IGSF1: variants seen among roughly 807,000 people sequenced by gnomAD.
The protein encoded by IGSF1 is immunoglobulin-like domain-containing protein 1.
A neutral mutation model predicts 95.3 loss-of-function variants in IGSF1; 40 were observed. The ratio of observed to expected loss-of-function variants is 0.42; its 90% CI spans 0.33 to 0.55. The LOEUF is 0.55. Ranked by LOEUF, IGSF1 falls within the 20% of genes least tolerant of loss-of-function variation. The probability of loss-of-function intolerance (pLI) is 0.10; values close to 1 mark genes in which losing one functional copy is unlikely to be tolerated. For synonymous variants in IGSF1, 372 were observed against 382.9 expected (o/e 0.97, Z 0.33); for missense variants, 906 against 1,025.4 (o/e 0.88, Z 1.59).
At chrX:131,279,231 C>T (rs376067122) in intron 10 of IGSF1, 40 bp downstream of exon 10, 28 of 1,207,321 alleles carry the variant, frequency 2.3e-5, no homozygotes, top group South Asian at 1.8e-4. Flanking sequence ...GACTTCACCC[C>T]GGCCTTCTGC....
chrX:131,280,814 G>T (rs1233140239), intron 9 of IGSF1, among the ~76,000 whole-genome samples: 1 of 111,796 alleles, frequency 8.9e-6, no homozygotes, highest in Non-Finnish European at 1.9e-5. Context: ...AGGGATAAGG[G>T]TGAAAAGTTG....
At chrX:131,279,479 T>C in intron 9 of IGSF1, 138 bp from the exon 10 acceptor site, 1 of 503,589 alleles carries the variant, frequency 2.0e-6, no homozygotes, top group Non-Finnish European at 3.5e-6. Flanking sequence ...GGATATAATC[T>C]TATTTGACAT....
Position 131,285,193 on chromosome X carries a change from T to G in IGSF1, c.653A>C (p.Lys218Thr), listed in dbSNP as rs1296683553. The G allele has an allele frequency of 9.2e-6, 11 of 1,192,442 alleles. No individual in the cohort carries two copies. The highest frequency in any genetic ancestry group is 1.2e-5 in the Non-Finnish European group (11 of 884,792). The change falls in exon 5 of 20, where the codon AAG becomes ACG. Residue 218 changes from lysine to threonine, a missense_variant. Lys to Thr is a moderately conservative substitution (Grantham distance 78, BLOSUM62 -1). Transcript: ENST00000361420. ...GCCACACCCACCTGCTACAACCAGCTTCAGGGGGTTGCTGGGCTCTGACCA... is the reference window on the plus strand; with the variant it reads ...GCCACACCCACCTGCTACAACCAGCGTCAGGGGGTTGCTGGGCTCTGACCA... ...TLWSEPSNPL[K>T]LVVAGLYPKP...
In IGSF1 at chrX:131,281,301, G is replaced by A. The variant is rs868160046; in HGVS notation, c.1563C>T (p.Ile521=). Residue 521 remains isoleucine, a synonymous_variant, in exon 9 of 20, where the codon ATC becomes ATT. Transcript: ENST00000361420. The part of the protein sequence containing the change: ...LTWNYVLNEA[I]RLSLIMQLVA... The stretch of plus-strand genomic sequence containing the variant: ...CAAGCTGCATGATTAGAGACAACCT[G>A]ATAGCTTCATTCAGAACGTAATTCC... 8.3e-7 allele frequency: 1 copy of A among 1,208,981 alleles called. No homozygotes were observed. Among genetic ancestry groups the A allele is most frequent in the African/African-American group, 1.7e-5 (1 of 57,160 alleles).
chrX:131,280,977 G>A (rs1386786829), intron 9 of IGSF1: 1 of 321,923 alleles, frequency 3.1e-6, no homozygotes, highest in African/African-American at 2.7e-5. Flanking sequence ...GGGGATGTCA[G>A]TGAATGCAGT....
In IGSF1 at chrX:131,276,999, G is replaced by A; in HGVS notation, c.2548C>T (p.Arg850Ter). The A allele has an allele frequency of 1.7e-6, 2 of 1,210,670 alleles. No individual in the cohort carries two copies. Among genetic ancestry groups the A allele is most frequent in the Non-Finnish European group, 2.2e-6 (2 of 894,905 alleles). Residue 850 changes from arginine (R) to a stop codon, truncating the protein, a stop_gained, in exon 14 of 20, where the codon CGA becomes TGA. Coordinates refer to ENST00000361420, the MANE Select transcript of IGSF1 (RefSeq NM_001555.5). LOFTEE classifies it high-confidence loss of function. ...GACCAGATAGAAAAGTCATAATATCGGCAGCTGTAATTCCCTCCATCACCA... is the reference window on the plus strand; with the variant it reads ...GACCAGATAGAAAAGTCATAATATCAGCAGCTGTAATTCCCTCCATCACCA... ...GIGDGGNYSC[R>*]YYDFSIWSEP...
Position 131,281,960 on chromosome X carries a change from A to G in IGSF1, c.1247-16T>C, listed in dbSNP as rs768966120. ...GGGGGCTTATCTGAAACCAATCCAG[A>G]GACCAGAGTGAGAAGTGACCTCAAA... is the stretch of plus-strand genomic sequence containing the variant. On this transcript the variant is annotated splice_polypyrimidine_tract_variant and intron_variant, in intron 7 of 19. Transcript: ENST00000361420. 1 of 1,190,654 alleles carries G rather than the reference A, an allele frequency of 8.4e-7. No individual in the cohort carries two copies. The highest frequency in any genetic ancestry group is 1.8e-5 in the South Asian group (1 of 54,516).
In IGSF1 at chrX:131,281,939, G is replaced by T. The variant is rs770459163; in HGVS notation, c.1252C>A (p.Pro418Thr). 33 of 1,198,922 alleles carry T rather than the reference G, an allele frequency of 2.8e-5. 1 individual carries two copies. The South Asian group carries it at 5.8e-4, about 21-fold the overall frequency. The change falls in exon 8 of 20, where the codon CCC (proline) becomes ACC (threonine). Residue 418 changes from proline (P) to threonine (T), a missense_variant. Physicochemically the swap from Pro to Thr is conservative, Grantham distance 38. This residue lies in a region of IGSF1 where 442 missense variants were observed against 448.1 expected (regional missense o/e 0.99). Coordinates refer to ENST00000361420, the MANE Select transcript of IGSF1 (RefSeq NM_001555.5). ...NTVELMVVDK[P>T]PKPSLSAWPS... ...CAAGCTGACAGGGAGGGTTTGGGGG[G>T]CTTATCTGAAACCAATCCAGAGACC...
intron 9 of IGSF1, among the ~76,000 whole-genome samples, chrX:131,280,777 C>T (rs990734151): frequency 8.9e-6 from 1 of 111,917 alleles, no homozygotes; most frequent in Non-Finnish European, 1.9e-5. Context: ...TAGGATGCGT[C>T]ACAAGGCTTA....
Position 131,273,839 on chromosome X carries a change from G to A in IGSF1, c.3968C>T (p.Ser1323Leu). 3 of 1,209,683 alleles carry A rather than the reference G, an allele frequency of 2.5e-6. No homozygotes were observed. The highest frequency in any genetic ancestry group is 3.4e-6 in the Non-Finnish European group (3 of 893,651). ...EPGTPANSPS[S>L]TSQRISVELP... is the part of the protein sequence containing the mutation. ...TTCCACAGAGATTCTCTGAGAGGTT[G>A]ATGAAGGAGAATTGGCAGGGGTGCC... is the stretch of plus-strand genomic sequence containing the variant. Residue 1323 changes from serine (S) to leucine (L), a missense_variant, in exon 20 of 20, where the codon TCA becomes TTA. By Grantham distance (145) the Ser-to-Leu change is moderately radical. Around this residue, in one of 5 missense-constraint regions of IGSF1, gnomAD observed 411 missense variants for 494.9 expected, o/e 0.83. Transcript: ENST00000361420.
Position 131,285,620 on chromosome X carries a change from C to A in IGSF1, c.379+147G>T, listed in dbSNP as rs768821376. The A allele has an allele frequency of 7.4e-6, 6 of 805,995 alleles. No homozygotes were observed. The South Asian group carries it at 7.8e-5, about 11-fold the overall frequency. The allele number at this position is 805,995 out of a possible 1,213,427, so 66.4% of individuals were successfully genotyped here. On this transcript the variant is annotated intron_variant, in intron 4 of 19. Transcript: ENST00000361420. ...TCTCTGCTCCAGAGTCTGCATCCCC[C>A]CTCTGCATTGCCCAATACAAAGTAG...
chrX:131,285,869 T>C lies in IGSF1; in HGVS notation c.277A>G (p.Ile93Val). 1.7e-6 allele frequency: 2 copies of C among 1,211,239 alleles called. No individual in the cohort carries two copies. Among genetic ancestry groups the C allele is most frequent in the African/African-American group, 3.5e-5 (2 of 57,729 alleles). ...GCATTGGACTCAGTAAGGGCACCTA[T>C]AAGGAATGAAACTTGGAAGGTCTTG... is the stretch of plus-strand genomic sequence containing the variant. ...SHKTFQVSFL[I>V]GALTESNAGL... is the part of the protein sequence containing the mutation. The change falls in exon 4 of 20, where the codon ATA (isoleucine) becomes GTA (valine). Residue 93 changes from isoleucine to valine, a missense_variant. Around this residue, in one of 5 missense-constraint regions of IGSF1, gnomAD observed 442 missense variants for 448.1 expected, o/e 0.99. Transcript: ENST00000361420.
rs2080563986 is a variant in IGSF1, at chrX:131,281,791, C to G, written c.1400G>C (p.Gly467Ala). 8.3e-7 allele frequency: 1 copy of G among 1,209,656 alleles called. No homozygotes were observed. The highest frequency in any genetic ancestry group is 3.0e-5 in the East Asian group (1 of 33,757). Residue 467 changes from glycine to alanine, a missense_variant, in exon 8 of 20, where the codon GGA becomes GCA. Around this residue, in one of 5 missense-constraint regions of IGSF1, gnomAD observed 442 missense variants for 448.1 expected, o/e 0.99. Transcript: ENST00000361420. ...GTCAACATTACTGATGATGAAGTCTCCGTTTACTGAGAATTTTTGGAATGT... is the reference window on the plus strand; with the variant it reads ...GTCAACATTACTGATGATGAAGTCTGCGTTTACTGAGAATTTTTGGAATGT... The part of the protein sequence containing the change: ...RETFQKFSVN[G>A]DFIISNVDGK...
intron 5 of IGSF1, chrX:131,284,719 G>GTTT: frequency 1.4e-6 from 1 of 731,687 alleles, no homozygotes; most frequent in Non-Finnish European, 1.6e-6. Context: ...TTTGTCATTT[G>GTTT]TTTTTTTTTG....
chrX:131,282,293 A>G (rs981244367), intron 7 of IGSF1, 151 bp downstream of exon 7: 2 of 467,438 alleles, frequency 4.3e-6, no homozygotes, highest in African/African-American at 5.3e-5. Flanking sequence ...AGAAAGTTCT[A>G]CACCACCTTC....
Position 131,281,867 on chromosome X carries a change from G to A in IGSF1, c.1324C>T (p.Arg442Ter), listed in dbSNP as rs1293658262. 4 of 1,208,588 alleles carry A rather than the reference G, an allele frequency of 3.3e-6. No individual in the cohort carries two copies. The highest frequency in any genetic ancestry group is 3.4e-6 in the Non-Finnish European group (3 of 893,001). ...AATTCCAGTACTGGATGAGATACTC[G>A]GCACTGAAGGGTGATGGCCTTTCCT... ...KLGKAITLQCRVSHPVLEFSL... is the reference protein window; with the variant it reads ...KLGKAITLQC The change falls in exon 8 of 20, where the codon CGA becomes TGA. Residue 442 changes from arginine (R) to a stop codon, truncating the protein, a stop_gained. Coordinates refer to ENST00000361420, the MANE Select transcript of IGSF1 (RefSeq NM_001555.5). LOFTEE classifies it high-confidence loss of function.
At chrX:131,278,315 C>T (rs1356939079) in intron 12 of IGSF1, 146 bp downstream of exon 12, 15 of 665,990 alleles carry the variant, frequency 2.3e-5, no homozygotes, top group Non-Finnish European at 3.2e-5. Flanking sequence ...AACCCCCTAC[C>T]ATTTCAGTGC....
Position 131,282,452 on chromosome X carries a change from A to G in IGSF1, c.1238T>C (p.Met413Thr), listed in dbSNP as rs1207343480. 8.3e-7 allele frequency: 1 copy of G among 1,204,349 alleles called. No individual in the cohort carries two copies. Among genetic ancestry groups the G allele is most frequent in the Admixed American group, 2.2e-5 (1 of 45,950 alleles). The change falls in exon 7 of 20, where the codon ATG (methionine) becomes ACG (threonine). Residue 413 changes from methionine to threonine, a missense_variant. By Grantham distance (81) the Met-to-Thr change is moderately conservative (BLOSUM62 -1). This residue lies in a region of IGSF1 where 442 missense variants were observed against 448.1 expected (regional missense o/e 0.99). Transcript: ENST00000361420. ...RMPSHNTVEL[M>T]VVDKPPKPSL... The stretch of plus-strand genomic sequence containing the variant: ...CAGTTGTTAACACTTGCCTACAACC[A>G]TAAGCTCCACAGTGTTGTGTGATGG...
chrX:131,274,655 G>A lies in IGSF1; in HGVS notation c.3695C>T (p.Ala1232Val). The change falls in exon 18 of 20, where the codon GCC (alanine) becomes GTC (valine). Residue 1232 changes from alanine to valine, a missense_variant. Coordinates refer to ENST00000361420, the MANE Select transcript of IGSF1 (RefSeq NM_001555.5). Reference protein sequence around the residue: ...GNYSCSYRLQAYPDIWSEPSD... With the variant: ...GNYSCSYRLQVYPDIWSEPSD... ...AGGCTCTGACCAGATATCAGGGTAG[G>A]CCTGGAGGCGGTAGCTGCAGCTGTA... is the stretch of plus-strand genomic sequence containing the variant. 8.3e-7 allele frequency: 1 copy of A among 1,211,340 alleles called. No homozygotes were observed. Among genetic ancestry groups the A allele is most frequent in the South Asian group, 1.8e-5 (1 of 56,972 alleles).
Sources: allele counts gnomAD v4.1 joint callset (sites outside exome capture counted in the v4.1 genomes callset), GRCh38; gene constraint gnomAD v4.1.1; regional missense constraint gnomAD v4.1.1; transcripts MANE v1.5; gene names NCBI Gene and HGNC (gene_info 2026-07-23, HGNC 2026-07-21).